YLPM1: variants seen among roughly 807,000 people sequenced by gnomAD.
YLPM1 encodes the protein YLP motif containing 1.
Under a neutral mutation model 230.0 loss-of-function variants are expected in YLPM1, and 99 were observed. That is an observed-to-expected ratio of 0.43 (90% CI 0.37 to 0.51). The LOEUF (loss-of-function observed/expected upper bound fraction) is 0.51, where lower values mean the gene tolerates loss of function less well. Among genes scored for constraint, YLPM1 ranks in the 20% least tolerant of loss-of-function variants. The pLI is 0.00. For missense variants in YLPM1, 2,592 were observed against 2,707.7 expected (o/e 0.96, Z 0.95); for synonymous variants, 984 against 942.5 (o/e 1.04, Z -0.81).
rs1407375272 is a variant in YLPM1 at position 74,781,604 on chromosome 14, G to A, written c.1561G>A (p.Val521Ile). 6 of 1,613,944 alleles carry A rather than the reference G, an allele frequency of 3.7e-6. 1 individual carries two copies. In the South Asian group the frequency reaches 6.6e-5, roughly 18 times the overall value. Residue 521 changes from valine to isoleucine, a missense_variant, in exon 4 of 21, where the codon GTT (valine) becomes ATT (isoleucine). Transcript: ENST00000325680. ...MGNMSMPPPF[V>I]PYSQMPPPLP... ...GAACATGTCAATGCCACCTCCTTTT[G>A]TTCCATATTCTCAGATGCCTCCACC... is the stretch of plus-strand genomic sequence containing the variant.
chr14:74,830,893 G>A (rs888525498), intron 19 of YLPM1, among the ~76,000 whole-genome samples: 2 of 152,122 alleles, frequency 1.3e-5, no homozygotes, highest in African/African-American at 4.8e-5. Context: ...CTTCAGTATC[G>A]GGGATTACAA....
chr14:74,779,324 C>A (rs1566741034), intron 2 of YLPM1, among the ~76,000 whole-genome samples: 1 of 152,190 alleles, frequency 6.6e-6, no homozygotes, highest in Non-Finnish European at 1.5e-5. Flanking sequence ...AATCCAGGTA[C>A]TGCCACTTGC....
intron 5 of YLPM1, among the ~76,000 whole-genome samples, chr14:74,800,442 A>T (rs919053914): frequency 1.3e-5 from 2 of 152,150 alleles, no homozygotes; most frequent in Non-Finnish European, 1.5e-5. Context: ...TGTATAATAA[A>T]CTCATTTAAT....
intron 4 of YLPM1, among the ~76,000 whole-genome samples, chr14:74,796,861 A>G (rs1433842757): frequency 2.0e-5 from 3 of 150,470 alleles, no homozygotes; most frequent in African/African-American, 7.3e-5. Context: ...GTTTTTAGTT[A>G]CAATTTAATT....
intron 1 of YLPM1, among the ~76,000 whole-genome samples, chr14:74,770,781 C>T (rs11849512): frequency 6.6e-6 from 1 of 152,000 alleles, no homozygotes. Context: ...AGTTGGAAGC[C>T]ATTGAAGGAT....
At chr14:74,805,453 C>T (rs1046396480) in intron 6 of YLPM1, among the ~76,000 whole-genome samples, 1 of 151,910 alleles carries the variant, frequency 6.6e-6, no homozygotes, top group Non-Finnish European at 1.5e-5. Flanking sequence ...AAGTGATTCT[C>T]TCACCTCAGC....
chr14:74,800,139 A>G (rs2091311063), intron 5 of YLPM1, among the ~76,000 whole-genome samples: 1 of 152,252 alleles, frequency 6.6e-6, no homozygotes, highest in South Asian at 2.1e-4. Context: ...TGTTGAAGCT[A>G]AGAATGGTTT....
At chr14:74,825,258 A>C (rs539374655) in intron 18 of YLPM1, among the ~76,000 whole-genome samples, 2 of 152,268 alleles carry the variant, frequency 1.3e-5, no homozygotes, top group Non-Finnish European at 2.9e-5. Flanking sequence ...TTTTACATGC[A>C]ATTACATAAG....
Position 74,764,332 on chromosome 14 carries a change from T to C in YLPM1, c.843T>C (p.Pro281=). 1.9e-6 allele frequency: 3 copies of C among 1,612,546 alleles called. No homozygotes were observed. Among genetic ancestry groups the C allele is most frequent in the Non-Finnish European group, 2.5e-6 (3 of 1,179,198 alleles). Residue 281 remains proline, a synonymous_variant, in exon 1 of 21, where the codon CCT becomes CCC. Transcript: ENST00000325680. ...NKSTEQQQAA[P]EPDPSTMTPQ... Reference sequence around the variant, plus strand: ...GTACTGAACAGCAGCAAGCCGCCCCTGAGCCAGATCCCTCTACGATGACTC... The same window carrying C: ...GTACTGAACAGCAGCAAGCCGCCCCCGAGCCAGATCCCTCTACGATGACTC...
At position 74,764,288 on chromosome 14, in the gene YLPM1, A is replaced by G; in HGVS notation, c.799A>G (p.Ser267Gly). 1 of 1,613,786 alleles carries G rather than the reference A, an allele frequency of 6.2e-7. No homozygotes were observed. The highest frequency in any genetic ancestry group is 8.5e-7 in the Non-Finnish European group (1 of 1,179,848). Residue 267 changes from serine to glycine, a missense_variant, in exon 1 of 21, where the codon AGT becomes GGT. By Grantham distance (56) the Ser-to-Gly change is moderately conservative (BLOSUM62 0). Around this residue, in one of 4 missense-constraint regions of YLPM1, gnomAD observed 1,862 missense variants for 1,819.8 expected, o/e 1.02. Transcript: ENST00000325680. ...KTTVQQEPLE[S>G]GAKNKSTEQQ... Reference sequence around the variant, plus strand: ...AACTGTCCAGCAAGAGCCTTTGGAGAGTGGGGCCAAAAACAAGAGTACTGA... The same window carrying G: ...AACTGTCCAGCAAGAGCCTTTGGAGGGTGGGGCCAAAAACAAGAGTACTGA...
Position 74,799,034 on chromosome 14 carries a change from A to G in YLPM1, c.3737A>G (p.Asp1246Gly). ...ACACTAGAGCTCTATAACAGAGAGG[A>G]CAGGTTCTCAGCACCACCATCTCGG... Reference protein sequence around the residue: ...DDTLELYNREDRFSAPPSRSH... With the variant: ...DDTLELYNREGRFSAPPSRSH... Residue 1246 changes from aspartate to glycine, a missense_variant, in exon 5 of 21, where the codon GAC becomes GGC. Physicochemically the swap from Asp to Gly is moderately conservative, Grantham distance 94 (BLOSUM62 -1). This residue lies in a region of YLPM1 where 1,862 missense variants were observed against 1,819.8 expected (regional missense o/e 1.02). Coordinates refer to ENST00000325680, the MANE Select transcript of YLPM1 (RefSeq NM_019589.3). 6.2e-7 allele frequency: 1 copy of G among 1,614,008 alleles called. No individual in the cohort carries two copies. Among genetic ancestry groups the G allele is most frequent in the Non-Finnish European group, 8.5e-7 (1 of 1,179,884 alleles).
rs1405509186 is a variant in YLPM1 at position 74,798,047 on chromosome 14, GGCCCGTAGAGCC to G, written c.2751_2762del (p.Pro918_Pro921del). ...CCACCTAAAAGTGAAGTCTCGGAAG[GGCCCGTAGAGCC>G]CTCTAATTGGGACCAGAATGTTCAA... On this transcript the variant is annotated inframe_deletion, in exon 5 of 21. Transcript: ENST00000325680. 1.9e-6 allele frequency: 3 copies of G among 1,613,888 alleles called. No homozygotes were observed. The highest frequency in any genetic ancestry group is 2.5e-6 in the Non-Finnish European group (3 of 1,179,876).
intron 16 of YLPM1, among the ~76,000 whole-genome samples, chr14:74,819,587 T>C (rs1173766938): frequency 6.6e-6 from 1 of 152,190 alleles, no homozygotes; most frequent in Non-Finnish European, 1.5e-5. Context: ...CATTGTTCTT[T>C]TATGTGTTTT....
At chr14:74,819,201 A>G in intron 16 of YLPM1, among the ~76,000 whole-genome samples, 1 of 151,990 alleles carries the variant, frequency 6.6e-6, no homozygotes, top group Non-Finnish European at 1.5e-5. Flanking sequence ...ATGGAAGGAA[A>G]AATTTTCTAT....
intron 1 of YLPM1, among the ~76,000 whole-genome samples, chr14:74,765,469 TG>T (rs2090902902): frequency 1.3e-5 from 2 of 152,192 alleles, no homozygotes; most frequent in Non-Finnish European, 2.9e-5. Context: ...AGAAAACACT[TG>T]GGATGCTGAA....
chr14:74,804,980 T>G (rs2091362590), intron 6 of YLPM1, among the ~76,000 whole-genome samples: 1 of 152,126 alleles, frequency 6.6e-6, no homozygotes, highest in African/African-American at 2.4e-5. Flanking sequence ...AATGAATGTC[T>G]TTGTATTGGG....
intron 4 of YLPM1, among the ~76,000 whole-genome samples, chr14:74,783,674 A>G (rs1273858471): frequency 6.6e-6 from 1 of 152,210 alleles, no homozygotes; most frequent in Non-Finnish European, 1.5e-5. Flanking sequence ...AACATTTGAA[A>G]ACAAAATATA....
At position 74,809,814 on chromosome 14, in the gene YLPM1, C is replaced by T. The variant is rs752952487; in HGVS notation, c.4939+17C>T. ...ATGGCCGAGGTGAGTAATGATAGTG[C>T]ACTTGTATTTGGGATTCTACAGGAA... On this transcript the variant is annotated intron_variant, in intron 7 of 20. Transcript: ENST00000325680. 1.8e-5 allele frequency: 29 copies of T among 1,612,434 alleles called. No individual in the cohort carries two copies. The Admixed American group carries it at 1.8e-4, about 10-fold the overall frequency.
At chr14:74,819,274 T>C (rs1216138252) in intron 16 of YLPM1, among the ~76,000 whole-genome samples, 4 of 132,222 alleles carry the variant, frequency 3.0e-5, no homozygotes, top group African/African-American at 6.1e-5. Flanking sequence ...GTCATTGTGC[T>C]TTTTTTTTTT....
Sources: allele counts gnomAD v4.1 joint callset (sites outside exome capture counted in the v4.1 genomes callset), GRCh38; gene constraint gnomAD v4.1.1; regional missense constraint gnomAD v4.1.1; transcripts MANE v1.5; gene names NCBI Gene and HGNC (gene_info 2026-07-23, HGNC 2026-07-21).